Variants in ARID1B observed in about 807,000 individuals in gnomAD.
The protein encoded by ARID1B is AT-rich interaction domain 1B.
A neutral mutation model predicts 212.3 loss-of-function variants in ARID1B; 30 were observed. The observed-to-expected ratio is 0.14, with a 90% confidence interval of 0.11 to 0.19. ARID1B has a LOEUF of 0.19. Ranked by LOEUF, ARID1B falls within the 10% of genes least tolerant of loss-of-function variation. ARID1B has a pLI of 1.00. For missense variants in ARID1B, 2,891 were observed against 3,204.0 expected, an observed-to-expected ratio of 0.90 and a Z score of 2.36; for synonymous variants, 1,402 against 1,301.7, an observed-to-expected ratio of 1.08 and a Z score of -1.66.
intron 1 of ARID1B, among the ~76,000 whole-genome samples, chr6:156,792,344 C>CTG (rs1780068808): frequency 6.6e-6 from 1 of 152,176 alleles, no homozygotes; most frequent in Non-Finnish European, 1.5e-5. Context: ...GGTTCAACAC[C>CTG]TGTAATCCTA....
chr6:156,842,233 C>A (rs997172398), intron 2 of ARID1B, among the ~76,000 whole-genome samples: 3 of 152,150 alleles, frequency 2.0e-5, no homozygotes, highest in Non-Finnish European at 2.9e-5. Context: ...TTTTCACCAC[C>A]CCCAGATGAG....
At chr6:156,975,787 G>A (rs1444539650) in intron 4 of ARID1B, among the ~76,000 whole-genome samples, 7 of 151,906 alleles carry the variant, frequency 4.6e-5, no homozygotes, top group South Asian at 2.1e-4. Context: ...CCACAGTGGT[G>A]CATGTCACGA....
intron 3 of ARID1B, among the ~76,000 whole-genome samples, chr6:156,932,293 A>G (rs1791812543): frequency 6.6e-6 from 1 of 152,206 alleles, no homozygotes; most frequent in Non-Finnish European, 1.5e-5. Context: ...TTAAGGCCAG[A>G]GTCCATCAAT....
At chr6:156,913,224 T>TC (rs1013884805) in intron 3 of ARID1B, among the ~76,000 whole-genome samples, 19 of 149,936 alleles carry the variant, frequency 1.3e-4, no homozygotes, top group Non-Finnish European at 1.5e-5. Context: ...TTTCTTTTTT[T>TC]TTTTTTTTTT....
chr6:156,956,406 G>GA (rs1343195187), intron 4 of ARID1B, among the ~76,000 whole-genome samples: 3 of 152,080 alleles, frequency 2.0e-5, no homozygotes, highest in Non-Finnish European at 4.4e-5. Flanking sequence ...TTATAGACTG[G>GA]AAAAAAATTG....
At chr6:156,890,954 T>G (rs1787878078) in intron 2 of ARID1B, among the ~76,000 whole-genome samples, 1 of 152,156 alleles carries the variant, frequency 6.6e-6, no homozygotes, top group Admixed American at 6.5e-5. Flanking sequence ...CTTCTTAAAA[T>G]AAGAAAGAGG....
At chr6:157,117,474 C>T (rs908222669) in intron 6 of ARID1B, among the ~76,000 whole-genome samples, 36 of 152,122 alleles carry the variant, frequency 2.4e-4, no homozygotes, top group Admixed American at 5.9e-4. Flanking sequence ...CTTTTGGCTG[C>T]GGGCACATCT....
intron 4 of ARID1B, among the ~76,000 whole-genome samples, chr6:156,995,980 G>A (rs1468675398): frequency 1.3e-5 from 2 of 152,024 alleles, no homozygotes. Context: ...TATAAGCTGC[G>A]GAAAAACCTC....
rs376962938 is a variant in ARID1B, at chr6:157,011,275, T to C, written c.2248-73387T>C. Among the ~76,000 whole-genome samples, 27 of 152,360 alleles carry C rather than the reference T, an allele frequency of 1.8e-4. No individual in the cohort carries two copies. The East Asian group carries it at 1.9e-3, about 11-fold the overall frequency. On this transcript the variant is annotated intron_variant, in intron 4 of 19. Transcript: ENST00000636930. ...GAACACAAGATAATTAGATTGCTAT[T>C]TGAGGATTTTGTAGTTCCTTCAAGC...
intron 5 of ARID1B, among the ~76,000 whole-genome samples, chr6:157,107,233 G>A (rs1045333749): frequency 1.1e-4 from 16 of 152,292 alleles, no homozygotes; most frequent in African/African-American, 3.6e-4. Context: ...CCTACCAGCT[G>A]GAGGAGGCTA....
At chr6:157,060,739 A>G (rs542616217) in intron 4 of ARID1B, among the ~76,000 whole-genome samples, 2 of 151,000 alleles carry the variant, frequency 1.3e-5, no homozygotes, top group South Asian at 4.2e-4. Flanking sequence ...ATGGTAATAA[A>G]TATCTGCTGA....
intron 4 of ARID1B, among the ~76,000 whole-genome samples, chr6:157,016,486 A>T (rs1180698314): frequency 6.6e-6 from 1 of 152,240 alleles, no homozygotes; most frequent in Non-Finnish European, 1.5e-5. Context: ...TGTTTTGTTC[A>T]ATGTTGTTTC....
intron 3 of ARID1B, among the ~76,000 whole-genome samples, chr6:156,915,896 C>CA (rs201509884): frequency 0.066 from 8,680 of 132,344 alleles, 297 homozygotes; most frequent in South Asian, 0.13. Flanking sequence ...GACTCCGTCT[C>CA]AAAAAAAAAA....
At chr6:156,932,565 C>G (rs968703781) in intron 3 of ARID1B, among the ~76,000 whole-genome samples, 3 of 152,130 alleles carry the variant, frequency 2.0e-5, no homozygotes, top group African/African-American at 7.2e-5. Context: ...AAATATGATG[C>G]TGAACATATT....
chr6:157,058,159 C>G (rs1202177278), intron 4 of ARID1B, among the ~76,000 whole-genome samples: 2 of 152,202 alleles, frequency 1.3e-5, no homozygotes, highest in African/African-American at 2.4e-5. Context: ...CACTTCACCT[C>G]CAGTAGGGCC....
chr6:157,154,592 T>G (rs545933916), intron 8 of ARID1B, among the ~76,000 whole-genome samples: 72 of 145,330 alleles, frequency 5.0e-4, no homozygotes, highest in South Asian at 1.8e-3. Context: ...TTTTTTTTTT[T>G]TTTTTTGAGT....
At chr6:156,897,264 C>CTTCTTCTTATTATTATTATTATTA (rs71027320) in intron 2 of ARID1B, among the ~76,000 whole-genome samples, 305 of 83,570 alleles carry the variant, frequency 3.6e-3, no homozygotes, top group Non-Finnish European at 5.6e-3. Flanking sequence ...TCTTCTTCTT[C>CTTCTTCTTATTATTATTATTATTA]TTATTATTAT....
intron 4 of ARID1B, among the ~76,000 whole-genome samples, chr6:156,992,266 C>G (rs1236152863): frequency 6.6e-6 from 1 of 152,040 alleles, no homozygotes; most frequent in Non-Finnish European, 1.5e-5. Flanking sequence ...TGTTGTAGTC[C>G]TTCATCTGGG....
intron 9 of ARID1B, chr6:157,167,746 G>A (rs1394253129): frequency 6.6e-6 from 1 of 152,518 alleles, no homozygotes; most frequent in Non-Finnish European, 1.5e-5. Context: ...CCACAGTAGC[G>A]TTCTTAAAAG....
Sources: gnomAD v4.1 joint callset for allele counts (sites outside exome capture counted in the v4.1 genomes callset) on GRCh38, gnomAD v4.1.1 for gene constraint, MANE v1.5 for transcripts, NCBI Gene and HGNC (gene_info 2026-07-23, HGNC 2026-07-21) for gene names.